Variants in CIMIP6 observed in about 807,000 individuals in gnomAD.
The protein encoded by CIMIP6 is uncharacterized protein C2orf73.
chr2:54,351,952 G>A, the CIMIP6 span, among the ~76,000 whole-genome samples: 1 of 151,512 alleles, frequency 6.6e-6, no homozygotes, highest in African/African-American at 2.4e-5. Flanking sequence ...GCTACTGTGG[G>A]CTTACTACCT....
the CIMIP6 span, among the ~76,000 whole-genome samples, chr2:54,348,306 A>G: frequency 5.3e-5 from 8 of 152,212 alleles, no homozygotes; most frequent in African/African-American, 1.9e-4. Flanking sequence ...TAGACAATAA[A>G]TGGTAACTGT....
At chr2:54,379,575 C>T in the CIMIP6 span, among the ~76,000 whole-genome samples, 1 of 152,076 alleles carries the variant, frequency 6.6e-6, no homozygotes, top group Non-Finnish European at 1.5e-5. Context: ...CATGGTGGCT[C>T]ATGCCTGTAA....
chr2:54,342,471 T>G, the CIMIP6 span, among the ~76,000 whole-genome samples: 4 of 152,196 alleles, frequency 2.6e-5, no homozygotes, highest in Non-Finnish European at 5.9e-5. Context: ...TATAAATGTC[T>G]TCTAAGTTTC....
At chr2:54,378,004 T>C in the CIMIP6 span, among the ~76,000 whole-genome samples, 4 of 152,226 alleles carry the variant, frequency 2.6e-5, no homozygotes, top group Admixed American at 1.3e-4. Flanking sequence ...TGAGTGCTTC[T>C]CTTTAACGTG....
At chr2:54,363,748 C>T in the CIMIP6 span, among the ~76,000 whole-genome samples, 1 of 152,094 alleles carries the variant, frequency 6.6e-6, no homozygotes, top group Non-Finnish European at 1.5e-5. Context: ...TAGAGGGCAA[C>T]AGGGAGTGGC....
the CIMIP6 span, among the ~76,000 whole-genome samples, chr2:54,335,476 A>G: frequency 6.6e-6 from 1 of 152,196 alleles, no homozygotes; most frequent in Non-Finnish European, 1.5e-5. Context: ...CTTATTGGAA[A>G]TAGTTTACAA....
chr2:54,359,641 C>G, the CIMIP6 span, among the ~76,000 whole-genome samples: 1 of 151,414 alleles, frequency 6.6e-6, no homozygotes, highest in Non-Finnish European at 1.5e-5. Context: ...AATATCAAAG[C>G]AGTTTGACAA....
chr2:54,381,740 T>C, the CIMIP6 span: 5 of 1,397,488 alleles, frequency 3.6e-6, no homozygotes, highest in Non-Finnish European at 4.7e-6. Context: ...TGAATGACTT[T>C]TCCATCATGG....
the CIMIP6 span, among the ~76,000 whole-genome samples, chr2:54,382,252 A>G: frequency 3.9e-5 from 6 of 152,214 alleles, no homozygotes; most frequent in African/African-American, 1.4e-4. Context: ...ATGTCCAAAG[A>G]GCTCTAAGAG....
chr2:54,342,814 G>A, the CIMIP6 span, among the ~76,000 whole-genome samples: 1 of 152,114 alleles, frequency 6.6e-6, no homozygotes. Context: ...TATACCGGAA[G>A]TTACTTTCAT....
chr2:54,333,202 A>G, the CIMIP6 span, among the ~76,000 whole-genome samples: 1 of 152,264 alleles, frequency 6.6e-6, no homozygotes, highest in Non-Finnish European at 1.5e-5. Flanking sequence ...AGTGCTTACT[A>G]AAAACAAGTA....
the CIMIP6 span, among the ~76,000 whole-genome samples, chr2:54,370,983 T>A: frequency 6.6e-6 from 1 of 152,140 alleles, no homozygotes; most frequent in Non-Finnish European, 1.5e-5. Context: ...TTTTCTGAAG[T>A]GTGTTATGAC....
the CIMIP6 span, among the ~76,000 whole-genome samples, chr2:54,375,319 A>T: frequency 6.6e-5 from 10 of 152,266 alleles, no homozygotes; most frequent in Non-Finnish European, 1.2e-4. Context: ...TAACAAAGTT[A>T]TCAAGTTAAT....
the CIMIP6 span, among the ~76,000 whole-genome samples, chr2:54,352,041 T>C: frequency 3.9e-5 from 6 of 152,096 alleles, no homozygotes; most frequent in Admixed American, 2.0e-4. Context: ...TAAACTCAGA[T>C]ATCTTAAATA....
chr2:54,333,524 A>G, the CIMIP6 span, among the ~76,000 whole-genome samples: 9 of 152,252 alleles, frequency 5.9e-5, no homozygotes, highest in Non-Finnish European at 1.2e-4. Flanking sequence ...GTCACACAGG[A>G]CCTCAGAGCT....
chr2:54,358,881 TTTATA>T, the CIMIP6 span: 2 of 606,094 alleles, frequency 3.3e-6, no homozygotes, highest in Non-Finnish European at 5.6e-6. Context: ...GTTACCATAT[TTTATA>T]TTATTAATAC....
the CIMIP6 span, among the ~76,000 whole-genome samples, chr2:54,364,085 G>C: frequency 1.3e-5 from 2 of 152,324 alleles, no homozygotes; most frequent in African/African-American, 4.8e-5. Flanking sequence ...AGTATCCATT[G>C]TGTGGGAAAT....
At chr2:54,342,483 T>C in the CIMIP6 span, among the ~76,000 whole-genome samples, 1 of 152,026 alleles carries the variant, frequency 6.6e-6, no homozygotes, top group Non-Finnish European at 1.5e-5. Flanking sequence ...CTAAGTTTCT[T>C]GACAATCTTC....
At chr2:54,365,999 G>GA in the CIMIP6 span, among the ~76,000 whole-genome samples, 1 of 152,132 alleles carries the variant, frequency 6.6e-6, no homozygotes, top group Non-Finnish European at 1.5e-5. Flanking sequence ...AGGAACATGA[G>GA]AAAAAATTTG....
Sources: gnomAD v4.1 joint callset for allele counts (sites outside exome capture counted in the v4.1 genomes callset) on GRCh38, gnomAD v4.1.1 for gene constraint, MANE v1.5 for transcripts, NCBI Gene and HGNC (gene_info 2026-07-23, HGNC 2026-07-21) for gene names.